AKT3: variants seen among roughly 807,000 people sequenced by gnomAD.
AKT3 encodes RAC-gamma serine/threonine-protein kinase.
In AKT3, 15 loss-of-function variants were observed where a neutral mutation model predicts 65.3. The ratio of observed to expected loss-of-function variants is 0.23; its 90% CI spans 0.15 to 0.35. The LOEUF (loss-of-function observed/expected upper bound fraction) is 0.35, where lower values mean the gene tolerates loss of function less well. AKT3 is among the 10% of genes least tolerant of loss of function. The pLI is 1.00. For missense variants in AKT3, 243 were observed against 576.5 expected (o/e 0.42, Z 5.92); for synonymous variants, 206 against 183.8 (o/e 1.12, Z -0.98).
At chr1:243,803,648 A>G (rs1417735499) in intron 2 of AKT3, among the ~76,000 whole-genome samples, 2 of 1,230 alleles carry the variant, frequency 1.6e-3, no homozygotes, top group South Asian at 0.019. Flanking sequence ...GTACATGTAC[A>G]CACACACACA....
intron 12 of AKT3, among the ~76,000 whole-genome samples, chr1:243,526,279 G>A (rs766410457): frequency 1.3e-5 from 2 of 152,090 alleles, no homozygotes; most frequent in African/African-American, 2.4e-5. Context: ...AATTCGTACC[G>A]CCTGACCTTG....
At chr1:243,595,497 T>G (rs1676540514) in intron 8 of AKT3, among the ~76,000 whole-genome samples, 1 of 152,206 alleles carries the variant, frequency 6.6e-6, no homozygotes, top group African/African-American at 2.4e-5. Context: ...TTTATACACT[T>G]TAAAATTTTT....
chr1:243,595,311 T>C (rs766632379), intron 8 of AKT3, among the ~76,000 whole-genome samples: 1 of 152,192 alleles, frequency 6.6e-6, no homozygotes, highest in Non-Finnish European at 1.5e-5. Flanking sequence ...ATTGCATTTA[T>C]AATACCATGA....
chr1:243,775,074 T>C lies in AKT3; in HGVS notation c.46+68051A>G, dbSNP rs190594798. On this transcript the variant is annotated intron_variant, in intron 2 of 13. Coordinates refer to ENST00000673466, the MANE Select transcript of AKT3 (RefSeq NM_005465.7). ...GACGAGGTTTCGTCATGTTCCCCAG[T>C]ATGGTCTCACACTTCTGAACTCAAG... Among the ~76,000 whole-genome samples the C allele has an allele frequency of 2.4e-4, 36 of 151,982 alleles. No individual in the cohort carries two copies. In the East Asian group the frequency reaches 6.4e-3, roughly 27 times the overall value.
At chr1:243,776,814 T>A (rs1690582305) in intron 2 of AKT3, among the ~76,000 whole-genome samples, 1 of 152,166 alleles carries the variant, frequency 6.6e-6, no homozygotes, top group African/African-American at 2.4e-5. Context: ...AAATGTATCA[T>A]GAGTTGTGCT....
At chr1:243,661,308 C>T (rs1247959488) in intron 4 of AKT3, among the ~76,000 whole-genome samples, 103 of 151,024 alleles carry the variant, frequency 6.8e-4, no homozygotes, top group African/African-American at 1.8e-3. Flanking sequence ...CTTCAAACTA[C>T]ACTACAAGGC....
intron 8 of AKT3, among the ~76,000 whole-genome samples, chr1:243,607,154 C>A (rs995008812): frequency 6.6e-6 from 1 of 152,216 alleles, no homozygotes; most frequent in Non-Finnish European, 1.5e-5. Context: ...CACACAGAGT[C>A]CCCACTGGGG....
At chr1:243,606,998 A>C (rs1677478267) in intron 8 of AKT3, among the ~76,000 whole-genome samples, 1 of 152,184 alleles carries the variant, frequency 6.6e-6, no homozygotes, top group African/African-American at 2.4e-5. Context: ...GGTGTGCAGA[A>C]GACAAGAATT....
chr1:243,609,635 G>T (rs1415918024), intron 8 of AKT3, among the ~76,000 whole-genome samples: 2 of 152,158 alleles, frequency 1.3e-5, no homozygotes, highest in African/African-American at 4.8e-5. Context: ...TCCAGACAGG[G>T]TGATGGAGTG....
rs555248284 is a variant in AKT3 at position 243,600,080 on chromosome 1, A to C, written c.696+13591T>G. On this transcript the variant is annotated intron_variant, in intron 8 of 13. Coordinates refer to ENST00000673466, the MANE Select transcript of AKT3 (RefSeq NM_005465.7). ...TAACTTAAAAACATAAAATAATTAT[A>C]AAGTATCCCTAAGGATAAATTTTTA... 2.0e-5 allele frequency among the ~76,000 whole-genome samples: 3 copies of C among 152,252 alleles called. No individual in the cohort carries two copies. In the South Asian group the frequency reaches 6.2e-4, roughly 32 times the overall value.
intron 7 of AKT3, 52 bp downstream of exon 7, chr1:243,615,044 T>G: frequency 7.8e-7 from 1 of 1,278,612 alleles, no homozygotes; most frequent in Non-Finnish European, 1.1e-6. Context: ...TAACATAAAA[T>G]TCCTTAAATT....
chr1:243,809,548 C>G (rs1248093117), intron 2 of AKT3, among the ~76,000 whole-genome samples: 1 of 152,128 alleles, frequency 6.6e-6, no homozygotes, highest in Non-Finnish European at 1.5e-5. Flanking sequence ...CCTTAGAGAC[C>G]TACAAAGAGA....
intron 2 of AKT3, among the ~76,000 whole-genome samples, chr1:243,835,070 G>T (rs1333976907): frequency 2.0e-5 from 3 of 151,850 alleles, no homozygotes; most frequent in Non-Finnish European, 4.4e-5. Flanking sequence ...AATTAAGAAT[G>T]AATATTGTAA....
At chr1:243,789,221 T>C (rs1691464644) in intron 2 of AKT3, among the ~76,000 whole-genome samples, 3 of 152,166 alleles carry the variant, frequency 2.0e-5, no homozygotes, top group Admixed American at 1.3e-4. Flanking sequence ...GTACAAAAGA[T>C]AATTTTTTTA....
At chr1:243,838,073 C>G (rs1347646925) in intron 2 of AKT3, among the ~76,000 whole-genome samples, 1 of 152,118 alleles carries the variant, frequency 6.6e-6, no homozygotes, top group East Asian at 1.9e-4. Context: ...TGAGAAGGAG[C>G]AAGTGTGTGT....
At chr1:243,781,592 A>G (rs1260983876) in intron 2 of AKT3, among the ~76,000 whole-genome samples, 3 of 152,220 alleles carry the variant, frequency 2.0e-5, no homozygotes, top group Non-Finnish European at 4.4e-5. Flanking sequence ...CACTTTTACA[A>G]TATCAAATCT....
chr1:243,849,078 A>G (rs1695635918), intron 1 of AKT3, among the ~76,000 whole-genome samples: 1 of 152,204 alleles, frequency 6.6e-6, no homozygotes, highest in Non-Finnish European at 1.5e-5. Context: ...CAAACAAGGG[A>G]TGGTGACCCC....
chr1:243,714,644 G>A (rs1045606622), intron 2 of AKT3, among the ~76,000 whole-genome samples: 1 of 152,150 alleles, frequency 6.6e-6, no homozygotes, highest in African/African-American at 2.4e-5. Flanking sequence ...TTATTAAATA[G>A]TTATTAAGTA....
At chr1:243,549,532 G>A (rs1302998502) in intron 11 of AKT3, among the ~76,000 whole-genome samples, 2 of 152,008 alleles carry the variant, frequency 1.3e-5, no homozygotes, top group Non-Finnish European at 1.5e-5. Context: ...GGGCTCCAGC[G>A]ATTCTCCCAC....
Sources: allele counts gnomAD v4.1 joint callset (sites outside exome capture counted in the v4.1 genomes callset), GRCh38; gene constraint gnomAD v4.1.1; transcripts MANE v1.5; gene names NCBI Gene and HGNC (gene_info 2026-07-23, HGNC 2026-07-21).